Variants in MEOX2 observed in about 807,000 individuals in gnomAD.
MEOX2 encodes the protein homeobox protein MOX-2.
A neutral mutation model predicts 27.0 loss-of-function variants in MEOX2; 11 were observed. The observed-to-expected ratio is 0.41, with a 90% CI of 0.26 to 0.68. The LOEUF is 0.68. MEOX2 is among the 30% of genes least tolerant of loss of function. MEOX2 has a pLI of 0.33. For synonymous variants in MEOX2, 189 were observed against 155.4 expected, an observed-to-expected ratio of 1.22 and a Z score of -1.61; for missense variants, 436 against 385.4, an observed-to-expected ratio of 1.13 and a Z score of -1.10.
At position 15,686,269 on chromosome 7, in the gene MEOX2, G is replaced by C; in HGVS notation, c.134C>G (p.Ser45Cys). Residue 45 changes from serine (S) to cysteine (C), a missense_variant, in exon 1 of 3, where the codon TCC (serine) becomes TGC (cysteine). Transcript: ENST00000262041. ...GTATCCCGCGATTATGCAAGATGAGGAAGAAGTAGAGAGCTCGGGGTAAGA... is the reference window on the plus strand; with the variant it reads ...GTATCCCGCGATTATGCAAGATGAGCAAGAAGTAGAGAGCTCGGGGTAAGA... ...HMSYPELSTS[S>C]SSCIIAGYPN... 3.7e-6 allele frequency: 6 copies of C among 1,612,842 alleles called. No individual in the cohort carries two copies. The highest frequency in any genetic ancestry group is 5.1e-6 in the Non-Finnish European group (6 of 1,179,452).
chr7:15,659,080 G>C (rs1443424888), intron 1 of MEOX2, among the ~76,000 whole-genome samples: 2 of 152,142 alleles, frequency 1.3e-5, no homozygotes, highest in African/African-American at 4.8e-5. Flanking sequence ...GCTCATTACA[G>C]CCTTGATCTC....
chr7:15,653,021 G>T (rs901121468), intron 1 of MEOX2, among the ~76,000 whole-genome samples: 1 of 152,010 alleles, frequency 6.6e-6, no homozygotes, highest in Non-Finnish European at 1.5e-5. Flanking sequence ...TCATATGATA[G>T]TTGCATGTTT....
chr7:15,660,607 A>C (rs954385123), intron 1 of MEOX2, among the ~76,000 whole-genome samples: 1 of 152,222 alleles, frequency 6.6e-6, no homozygotes, highest in African/African-American at 2.4e-5. Flanking sequence ...GAGATTACCA[A>C]ACACCTCCTG....
At chr7:15,641,017 T>C (rs1302590691) in intron 1 of MEOX2, among the ~76,000 whole-genome samples, 3 of 152,142 alleles carry the variant, frequency 2.0e-5, no homozygotes, top group Non-Finnish European at 2.9e-5. Context: ...GGGTTTGCCA[T>C]ATTTTGATAT....
chr7:15,661,042 G>C (rs199797195), intron 1 of MEOX2, among the ~76,000 whole-genome samples: 9 of 83,704 alleles, frequency 1.1e-4, no homozygotes, highest in Admixed American at 6.1e-4. Flanking sequence ...AAAAAAAAAA[G>C]AGAAAGAGAG....
intron 1 of MEOX2, among the ~76,000 whole-genome samples, chr7:15,684,146 G>A (rs1782338568): frequency 6.6e-6 from 1 of 152,154 alleles, no homozygotes; most frequent in South Asian, 2.1e-4. Flanking sequence ...CAATGGCTCA[G>A]TTCAGGAAGC....
intron 1 of MEOX2, among the ~76,000 whole-genome samples, chr7:15,644,826 C>T (rs1266074492): frequency 6.6e-6 from 1 of 152,108 alleles, no homozygotes; most frequent in African/African-American, 2.4e-5. Context: ...TTGCCACTTC[C>T]CATGAAGTAA....
intron 2 of MEOX2, among the ~76,000 whole-genome samples, chr7:15,614,707 T>A (rs1249980796): frequency 6.6e-6 from 1 of 152,152 alleles, no homozygotes; most frequent in African/African-American, 2.4e-5. Context: ...TATAATTTTA[T>A]AATAAACCTT....
intron 1 of MEOX2, among the ~76,000 whole-genome samples, chr7:15,666,248 C>T (rs1782002641): frequency 6.6e-6 from 1 of 152,148 alleles, no homozygotes; most frequent in African/African-American, 2.4e-5. Context: ...CAATGACTTC[C>T]ATAGGCCTAA....
chr7:15,643,516 G>T (rs1781595563), intron 1 of MEOX2, among the ~76,000 whole-genome samples: 1 of 152,150 alleles, frequency 6.6e-6, no homozygotes, highest in African/African-American at 2.4e-5. Flanking sequence ...GCGGTTTGCA[G>T]CCCAGCAGAC....
intron 2 of MEOX2, among the ~76,000 whole-genome samples, chr7:15,621,575 T>A (rs1337560427): frequency 6.6e-6 from 1 of 152,230 alleles, no homozygotes. Flanking sequence ...TAATATACCT[T>A]ATGTTTTTCT....
chr7:15,661,482 A>G (rs976965815), intron 1 of MEOX2, among the ~76,000 whole-genome samples: 3 of 152,242 alleles, frequency 2.0e-5, no homozygotes, highest in African/African-American at 4.8e-5. Context: ...TGCTTTTAAA[A>G]TCAACCACAT....
intron 1 of MEOX2, among the ~76,000 whole-genome samples, chr7:15,674,115 T>C (rs1433517189): frequency 6.6e-6 from 1 of 152,124 alleles, no homozygotes; most frequent in African/African-American, 2.4e-5. Flanking sequence ...TCTAATAACA[T>C]ATTATTGATT....
At chr7:15,664,679 A>T (rs1781970892) in intron 1 of MEOX2, among the ~76,000 whole-genome samples, 1 of 152,088 alleles carries the variant, frequency 6.6e-6, no homozygotes, top group East Asian at 1.9e-4. Context: ...AATTCCTAAC[A>T]TTTTCTCTTC....
At chr7:15,646,548 G>T (rs3801421) in intron 1 of MEOX2, among the ~76,000 whole-genome samples, 1 of 151,878 alleles carries the variant, frequency 6.6e-6, no homozygotes, top group Non-Finnish European at 1.5e-5. Flanking sequence ...GAAAATATTA[G>T]TTGTTTGATT....
At chr7:15,665,934 T>C (rs1201869852) in intron 1 of MEOX2, among the ~76,000 whole-genome samples, 1 of 152,198 alleles carries the variant, frequency 6.6e-6, no homozygotes, top group Non-Finnish European at 1.5e-5. Context: ...TCTGCATATA[T>C]GGTTTTAGGG....
chr7:15,638,233 G>A (rs1781513439), intron 1 of MEOX2, among the ~76,000 whole-genome samples: 1 of 152,062 alleles, frequency 6.6e-6, no homozygotes, highest in South Asian at 2.1e-4. Context: ...AAGTTAATAG[G>A]TTGTGAAAGT....
At chr7:15,623,576 G>T (rs367859592) in intron 2 of MEOX2, among the ~76,000 whole-genome samples, 42 of 152,218 alleles carry the variant, frequency 2.8e-4, no homozygotes, top group African/African-American at 1.0e-3. Flanking sequence ...CACCATGTTG[G>T]CCAGGCTGGT....
Position 15,685,868 on chromosome 7 carries a change from T to G in MEOX2, c.517+18A>C, listed in dbSNP as rs1338721175. 4 of 1,567,628 alleles carry G rather than the reference T, an allele frequency of 2.6e-6. No homozygotes were observed. The Admixed American group carries it at 7.3e-5, about 28-fold the overall frequency. On this transcript the variant is annotated intron_variant, in intron 1 of 2. Transcript: ENST00000262041. ...CCAGCCCGGCGCGCACTCTCGAGGG[T>G]GCCTGGCGCGCCCTTACCTGAGCTG...
Sources: allele counts gnomAD v4.1 joint callset (sites outside exome capture counted in the v4.1 genomes callset), GRCh38; gene constraint gnomAD v4.1.1; transcripts MANE v1.5; gene names NCBI Gene and HGNC (gene_info 2026-07-23, HGNC 2026-07-21).